Variants in MINK1 observed in about 807,000 individuals in gnomAD.
MINK1 encodes misshapen like kinase 1, also known as misshapen-like kinase 1.
A neutral mutation model predicts 178.4 loss-of-function variants in MINK1; 46 were observed. The observed-to-expected ratio is 0.26, with a 90% CI of 0.20 to 0.33. The LOEUF (loss-of-function observed/expected upper bound fraction) is 0.33. Ranked by LOEUF, MINK1 falls within the 10% of genes least tolerant of loss-of-function variation. MINK1 has a pLI of 1.00. For missense variants in MINK1, 1,366 were observed against 1,814.9 expected (o/e 0.75, Z 4.49); for synonymous variants, 797 against 709.7 (o/e 1.12, Z -1.96).
chr17:4,884,232 T>A (rs1967994007), intron 4 of MINK1, 131 bp from the exon 5 acceptor site: 2 of 662,628 alleles, frequency 3.0e-6, no homozygotes, highest in Non-Finnish European at 5.3e-6. Flanking sequence ...TGGCCCTTGC[T>A]CTCTAGCTCA....
chr17:4,859,529 C>G (rs896572870), intron 1 of MINK1, among the ~76,000 whole-genome samples: 1 of 151,962 alleles, frequency 6.6e-6, no homozygotes, highest in Non-Finnish European at 1.5e-5. Context: ...ACACTGGCTA[C>G]GTAATCCCAG....
Position 4,895,671 on chromosome 17 carries a change from G to A in MINK1, c.3230-27G>A, listed in dbSNP as rs370341189. 1.6e-4 allele frequency: 250 copies of A among 1,610,174 alleles called. No individual in the cohort carries two copies. Among genetic ancestry groups the A allele is most frequent in the African/African-American group, 1.4e-3 (103 of 74,968 alleles). On this transcript the variant is annotated intron_variant, in intron 26 of 31. Coordinates refer to ENST00000355280, the MANE Select transcript of MINK1 (RefSeq NM_153827.5). This position sits in a 1 kb window ranked among gnomAD's most constrained non-coding sequence, Gnocchi z 4.3. Reference sequence around the variant, plus strand: ...TCGGGCCTCAGATGAGAATGGGGGCGGGTGTGTATGTCTGTCCGTCCCTCA... The same window carrying A: ...TCGGGCCTCAGATGAGAATGGGGGCAGGTGTGTATGTCTGTCCGTCCCTCA...
At chr17:4,841,482 T>C (rs2150748410) in intron 1 of MINK1, among the ~76,000 whole-genome samples, 1 of 152,082 alleles carries the variant, frequency 6.6e-6, no homozygotes, top group Admixed American at 6.6e-5. Context: ...TCCCACCTCC[T>C]TCAAGAGCCA....
Position 4,895,509 on chromosome 17 carries a change from G to A in MINK1, c.3229+16G>A, listed in dbSNP as rs201680133. ...ACCATCTCAGGTACAGGTGTGGTGA[G>A]TGGGGGAGGGAGGAGGGGCTCAGCT... On this transcript the variant is annotated intron_variant, in intron 26 of 31. Transcript: ENST00000355280. This position sits in a 1 kb window ranked among gnomAD's most constrained non-coding sequence, Gnocchi z 4.3. The A allele has an allele frequency of 2.6e-6, 4 of 1,561,146 alleles. No homozygotes were observed. The South Asian group carries it at 3.6e-5, about 14-fold the overall frequency.
chr17:4,887,646 T>C lies in MINK1; in HGVS notation c.1086T>C (p.Asn362=). The change falls in exon 12 of 32, where the codon AAT becomes AAC. Residue 362 remains asparagine (N), a synonymous_variant. Transcript: ENST00000355280. This position sits in a 1 kb window ranked among gnomAD's most constrained non-coding sequence, Gnocchi z 7.6. The stretch of plus-strand genomic sequence containing the variant: ...AGTTTCTCCGGCTCCAGCAGGAAAA[T>C]AAGAGCAACTCAGAGGCTTTAAAAC... ...RREFLRLQQE[N]KSNSEALKQQ... The C allele has an allele frequency of 2.6e-6, 4 of 1,566,954 alleles. No individual in the cohort carries two copies. The highest frequency in any genetic ancestry group is 1.4e-5 in the African/African-American group (1 of 73,202).
chr17:4,883,687 A>T (rs1043250561), intron 4 of MINK1, among the ~76,000 whole-genome samples: 1 of 128,858 alleles, frequency 7.8e-6, no homozygotes, highest in African/African-American at 3.0e-5. Context: ...GCCCGCCACC[A>T]CGCCCGGCTA....
At position 4,833,732 on chromosome 17, in the gene MINK1, G is replaced by A. The variant is rs528210358; in HGVS notation, c.57+92G>A. On this transcript the variant is annotated intron_variant, in intron 1 of 31. Coordinates refer to ENST00000355280, the MANE Select transcript of MINK1 (RefSeq NM_153827.5). The surrounding 1 kb of genome is among the most constrained non-coding windows in gnomAD (Gnocchi z 4.8). ...CTGCACGCCTCACGTGCTCCCGGGC[G>A]CCCCCTCCACCAGCTTGGGTCCCCT... is the stretch of plus-strand genomic sequence containing the variant. 1.4e-4 allele frequency: 158 copies of A among 1,124,078 alleles called. 3 individuals carry two copies. In the East Asian group the frequency reaches 5.0e-3, roughly 35 times the overall value. 69.6% of individuals were successfully genotyped at this position (1,124,078 alleles called of 1,614,324 possible).
intron 1 of MINK1, among the ~76,000 whole-genome samples, chr17:4,858,288 A>G (rs1011975804): frequency 2.0e-5 from 3 of 151,916 alleles, no homozygotes; most frequent in Non-Finnish European, 4.4e-5. Flanking sequence ...TATTGTTTTC[A>G]TCTGGGAGGG....
chr17:4,850,076 T>G (rs1911702938), intron 1 of MINK1, among the ~76,000 whole-genome samples: 1 of 152,206 alleles, frequency 6.6e-6, no homozygotes, highest in East Asian at 1.9e-4. Context: ...ATCAGAGTCT[T>G]TCACAGGTGT....
intron 2 of MINK1, among the ~76,000 whole-genome samples, chr17:4,878,636 G>A (rs1967416716): frequency 6.6e-6 from 1 of 152,214 alleles, no homozygotes; most frequent in African/African-American, 2.4e-5. Flanking sequence ...AGGGTGGCCT[G>A]CAGCAGTGAG....
intron 1 of MINK1, chr17:4,851,102 C>T (rs1911882139): frequency 2.2e-6 from 1 of 450,690 alleles, no homozygotes; most frequent in African/African-American, 2.0e-5. Flanking sequence ...TGAACTGCCA[C>T]ACTTCACCCT....
chr17:4,843,872 G>A lies in MINK1; in HGVS notation c.57+10232G>A, dbSNP rs111580618. Among the ~76,000 whole-genome samples, 480 of 152,310 alleles carry A rather than the reference G, an allele frequency of 3.2e-3. 4 individuals are homozygous for A. Among genetic ancestry groups the A allele is most frequent in the African/African-American group, 9.4e-3 (391 of 41,566 alleles). ...ACTCCAAAACCTGGGCTGCCATGCT[G>A]TTGGAGGGAGACCTGCTCCCACGTG... On this transcript the variant is annotated intron_variant, in intron 1 of 31. Transcript: ENST00000355280.
In MINK1 at chr17:4,887,670, A is replaced by ACAGCAGCAGCAGCTG. The variant is rs777118070; in HGVS notation, c.1124_1138dup (p.Leu375_Gln379dup). The ACAGCAGCAGCAGCTG allele has an allele frequency of 1.9e-4, 294 of 1,566,734 alleles. No homozygotes were observed. The highest frequency in any genetic ancestry group is 6.0e-4 in the East Asian group (25 of 41,980). On this transcript the variant is annotated inframe_insertion, in exon 12 of 32. Coordinates refer to ENST00000355280, the MANE Select transcript of MINK1 (RefSeq NM_153827.5). This position sits in a 1 kb window ranked among gnomAD's most constrained non-coding sequence, Gnocchi z 7.6. Reference sequence around the variant, plus strand: ...ATAAGAGCAACTCAGAGGCTTTAAAACAGCAGCAGCAGCTGCAGCAGCAGC... The same window carrying ACAGCAGCAGCAGCTG: ...ATAAGAGCAACTCAGAGGCTTTAAAACAGCAGCAGCAGCTGCAGCAGCAGCAGCTGCAGCAGCAGC...
At chr17:4,844,050 T>G (rs1910636897) in intron 1 of MINK1, among the ~76,000 whole-genome samples, 1 of 152,158 alleles carries the variant, frequency 6.6e-6, no homozygotes, top group African/African-American at 2.4e-5. Flanking sequence ...TTGCCCAGGC[T>G]GAAGTACAGT....
intron 1 of MINK1, among the ~76,000 whole-genome samples, chr17:4,864,513 T>C (rs1764483314): frequency 6.6e-6 from 1 of 151,518 alleles, no homozygotes. Flanking sequence ...TCACCTGAGG[T>C]TAGGAGTTCG....
Position 4,893,532 on chromosome 17 carries a change from TGAGGACGAC to T in MINK1, c.2505_2513del (p.Asp835_Glu837del). 1 of 1,596,756 alleles carries T rather than the reference TGAGGACGAC, an allele frequency of 6.3e-7. No homozygotes were observed. Among genetic ancestry groups the T allele is most frequent in the Non-Finnish European group, 8.6e-7 (1 of 1,167,050 alleles). On this transcript the variant is annotated inframe_deletion, in exon 21 of 32. Coordinates refer to ENST00000355280, the MANE Select transcript of MINK1 (RefSeq NM_153827.5). ...CGTCCAGCGAGGAGGTGGAAAGCAG[TGAGGACGAC>T]GAGGAGGAAGGCGAAGGCGGGCCAG...
intron 1 of MINK1, among the ~76,000 whole-genome samples, chr17:4,853,975 G>A (rs1161700438): frequency 6.6e-6 from 1 of 152,092 alleles, no homozygotes. Flanking sequence ...GCCCTTCCAG[G>A]CCTGCAGTTC....
rs1189609271 is a variant in MINK1 at position 4,881,996 on chromosome 17, A to G, written c.306+739A>G. Among the ~76,000 whole-genome samples, 5 of 152,268 alleles carry G rather than the reference A, an allele frequency of 3.3e-5. No individual in the cohort carries two copies. The East Asian group carries it at 7.7e-4, about 23-fold the overall frequency. ...AGAAGCACTTACTAAGCACTTCTGTATACTCTGTATAGATGAGCATGAGCC... is the reference window on the plus strand; with the variant it reads ...AGAAGCACTTACTAAGCACTTCTGTGTACTCTGTATAGATGAGCATGAGCC... On this transcript the variant is annotated intron_variant, in intron 4 of 31. Coordinates refer to ENST00000355280, the MANE Select transcript of MINK1 (RefSeq NM_153827.5).
chr17:4,848,799 C>T (rs144202896), intron 1 of MINK1, among the ~76,000 whole-genome samples: 28 of 152,232 alleles, frequency 1.8e-4, no homozygotes, highest in Middle Eastern at 3.4e-3. Flanking sequence ...GAACCTGGCC[C>T]CTGTGCCTCA....
Sources: gnomAD v4.1 joint callset for allele counts (sites outside exome capture counted in the v4.1 genomes callset) on GRCh38, gnomAD v4.1.1 for gene constraint, Gnocchi (gnomAD v3.1) non-coding constraint, MANE v1.5 for transcripts, NCBI Gene and HGNC (gene_info 2026-07-23, HGNC 2026-07-21) for gene names.